The following RBPJ variants were observed in gnomAD, a reference collection of about 807,000 sequenced individuals.
The protein encoded by RBPJ is recombining binding protein suppressor of hairless.
In RBPJ, 9 loss-of-function variants were observed where a neutral mutation model predicts 67.8. The observed-to-expected ratio is 0.13, with a 90% CI of 0.08 to 0.23. The LOEUF is 0.23. RBPJ is among the 10% of genes least tolerant of loss of function. The pLI is 1.00. For missense variants in RBPJ, 305 were observed against 595.6 expected, an observed-to-expected ratio of 0.51 and a Z score of 5.08; for synonymous variants, 198 against 203.3, an observed-to-expected ratio of 0.97 and a Z score of 0.22.
At chr4:26,295,336 A>G (rs965530347) in intron 1 of RBPJ, among the ~76,000 whole-genome samples, 10 of 151,952 alleles carry the variant, frequency 6.6e-5, no homozygotes, top group African/African-American at 1.7e-4. Flanking sequence ...AGGGAGAAAG[A>G]TGCTTCTTCC....
chr4:26,357,247 A>G (rs185030623), intron 1 of RBPJ, among the ~76,000 whole-genome samples: 70 of 152,316 alleles, frequency 4.6e-4, no homozygotes, highest in African/African-American at 1.7e-3. Flanking sequence ...GTGATTGACT[A>G]TAGGACTGTT....
intron 1 of RBPJ, among the ~76,000 whole-genome samples, chr4:26,214,624 AAAGAG>A (rs1459046582): frequency 1.4e-5 from 1 of 73,566 alleles, no homozygotes; most frequent in African/African-American, 7.6e-5. Flanking sequence ...GAAAAAGAAA[AAAGAG>A]AAAGAAAAAG....
At chr4:26,353,717 T>G (rs968355574) in intron 1 of RBPJ, among the ~76,000 whole-genome samples, 2 of 151,252 alleles carry the variant, frequency 1.3e-5, no homozygotes, top group Non-Finnish European at 1.5e-5. Flanking sequence ...CAAGCAATTC[T>G]CCTGCCTCAG....
chr4:26,256,049 T>G (rs1448991850), intron 1 of RBPJ, among the ~76,000 whole-genome samples: 2 of 152,164 alleles, frequency 1.3e-5, no homozygotes, highest in African/African-American at 4.8e-5. Context: ...CCTTTCTCAC[T>G]TAGCAGCTCT....
the RBPJ span, among the ~76,000 whole-genome samples, chr4:26,154,410 C>T: frequency 2.0e-5 from 3 of 152,284 alleles, no homozygotes; most frequent in East Asian, 1.9e-4. Flanking sequence ...AATGAATATT[C>T]GTTCCCGTAG....
intron 1 of RBPJ, among the ~76,000 whole-genome samples, chr4:26,263,869 C>CG (rs1560234988): frequency 1.5e-5 from 2 of 131,654 alleles, no homozygotes; most frequent in African/African-American, 5.9e-5. Flanking sequence ...AGCACCCAGT[C>CG]TTTTTTTTTT....
chr4:26,359,175 AT>A (rs1727736968), intron 1 of RBPJ, among the ~76,000 whole-genome samples: 1 of 152,200 alleles, frequency 6.6e-6, no homozygotes, highest in African/African-American at 2.4e-5. Context: ...TATTAAATGT[AT>A]TTTAAAATTT....
At chr4:26,368,404 CTTAAGTTATG>C (rs1728830772) in intron 1 of RBPJ, among the ~76,000 whole-genome samples, 1 of 152,010 alleles carries the variant, frequency 6.6e-6, no homozygotes, top group South Asian at 2.1e-4. Context: ...TTTTTTCCCC[CTTAAGTTATG>C]TTTACTCACT....
intron 1 of RBPJ, among the ~76,000 whole-genome samples, chr4:26,229,477 A>G (rs1046525473): frequency 5.3e-5 from 8 of 152,116 alleles, no homozygotes; most frequent in Admixed American, 6.6e-5. Flanking sequence ...TGGCTATTTC[A>G]TGAAAGGCCA....
At chr4:26,364,059 T>A (rs1728352833) in intron 1 of RBPJ, among the ~76,000 whole-genome samples, 1 of 152,184 alleles carries the variant, frequency 6.6e-6, no homozygotes, top group African/African-American at 2.4e-5. Context: ...TAATGTTACA[T>A]CAGATTCAGA....
intron 1 of RBPJ, among the ~76,000 whole-genome samples, chr4:26,212,624 G>T (rs1560213002): frequency 6.6e-6 from 1 of 151,746 alleles, no homozygotes; most frequent in Non-Finnish European, 1.5e-5. Flanking sequence ...CTTGGAGCTG[G>T]CTATAAAGAA....
chr4:26,158,492 C>A (rs894059335), upstream of RBPJ, among the ~76,000 whole-genome samples: 2 of 152,190 alleles, frequency 1.3e-5, no homozygotes, highest in Non-Finnish European at 2.9e-5. Flanking sequence ...CTATGAAGAG[C>A]TTTACCCTCC....
chr4:26,417,304 C>T lies in RBPJ; in HGVS notation c.321+1664C>T, dbSNP rs115935903. On this transcript the variant is annotated intron_variant, in intron 4 of 10. Coordinates refer to ENST00000355476, the MANE Select transcript of RBPJ (RefSeq NM_015874.6). ...ACCAGTAGTATCACTGCTTGCCTTT[C>T]GCAGCATTGTGGCTTAGTAGTGCCA... Among the ~76,000 whole-genome samples, 90 of 152,276 alleles carry T rather than the reference C, an allele frequency of 5.9e-4. 1 individual carries two copies. Among genetic ancestry groups the T allele is most frequent in the African/African-American group, 1.7e-3 (72 of 41,556 alleles).
chr4:26,263,011 C>T (rs1223013045), intron 1 of RBPJ, among the ~76,000 whole-genome samples: 3 of 152,148 alleles, frequency 2.0e-5, no homozygotes, highest in Non-Finnish European at 4.4e-5. Context: ...CTATCGATCC[C>T]AGTTAACCAC....
Position 26,166,659 on chromosome 4 carries a change from T to G in RBPJ, c.-167+3045T>G, listed in dbSNP as rs568017906. 2.9e-3 allele frequency among the ~76,000 whole-genome samples: 447 copies of G among 152,044 alleles called. 5 individuals are homozygous for G. Among genetic ancestry groups the G allele is most frequent in the African/African-American group, 0.01 (422 of 41,428 alleles). On this transcript the variant is annotated intron_variant, in intron 1 of 4. Transcript: ENST00000512351. ...GTAGGTTGCGAAAATGTTCTCCCGT[T>G]TTGTAGGTTGCCTGCTCACTCTGAT...
intron 2 of RBPJ, among the ~76,000 whole-genome samples, chr4:26,393,069 A>T (rs1029864808): frequency 9.2e-5 from 14 of 151,952 alleles, no homozygotes; most frequent in African/African-American, 2.4e-4. Flanking sequence ...CTGGTCTCGA[A>T]CTCCTGACCT....
intron 1 of RBPJ, among the ~76,000 whole-genome samples, chr4:26,384,963 C>G (rs1441719039): frequency 2.2e-5 from 1 of 45,654 alleles, no homozygotes; most frequent in Non-Finnish European, 4.5e-5. Flanking sequence ...CTCCCCTCCC[C>G]TCTCCCCTCC....
chr4:26,334,532 G>A (rs1307705144), intron 1 of RBPJ, among the ~76,000 whole-genome samples: 1 of 152,132 alleles, frequency 6.6e-6, no homozygotes, highest in Admixed American at 6.5e-5. Context: ...AGGATCAAAC[G>A]TGTGTATGCA....
chr4:26,362,658 A>G, intron 1 of RBPJ: 1 of 1,568,636 alleles, frequency 6.4e-7, no homozygotes, highest in Non-Finnish European at 8.8e-7. Context: ...CAGTGACCCC[A>G]AGGTCATGGA....
Sources: allele counts gnomAD v4.1 joint callset (sites outside exome capture counted in the v4.1 genomes callset), GRCh38; gene constraint gnomAD v4.1.1; transcripts MANE v1.5; gene names NCBI Gene and HGNC (gene_info 2026-07-23, HGNC 2026-07-21).